CDH9: variants seen among roughly 807,000 people sequenced by gnomAD.
CDH9 encodes the protein cadherin-9.
Under a neutral mutation model 70.9 loss-of-function variants are expected in CDH9, and 28 were observed. The observed-to-expected ratio is 0.40, with a 90% CI of 0.29 to 0.54. CDH9 has a LOEUF of 0.54. Among genes scored for constraint, CDH9 ranks in the 20% least tolerant of loss-of-function variants. The pLI, the probability that CDH9 is intolerant of heterozygous loss-of-function variation, is 0.59. For synonymous variants in CDH9, 409 were observed against 343.1 expected, an observed-to-expected ratio of 1.19 and a Z score of -2.12; for missense variants, 874 against 984.4, an observed-to-expected ratio of 0.89 and a Z score of 1.50.
chr5:27,006,467 A>G (rs954627617), intron 1 of CDH9, among the ~76,000 whole-genome samples: 2 of 152,032 alleles, frequency 1.3e-5, no homozygotes, highest in Non-Finnish European at 2.9e-5. Flanking sequence ...CAGCACCACT[A>G]AGAGTTGGCT....
At chr5:26,986,180 GT>G (rs1306564935) in intron 2 of CDH9, among the ~76,000 whole-genome samples, 5 of 151,950 alleles carry the variant, frequency 3.3e-5, no homozygotes, top group Non-Finnish European at 5.9e-5. Flanking sequence ...TTGACAGGTG[GT>G]TTTGGTTTCA....
intron 1 of CDH9, among the ~76,000 whole-genome samples, chr5:27,008,366 T>G (rs1742902781): frequency 6.6e-6 from 1 of 151,942 alleles, no homozygotes; most frequent in Admixed American, 6.6e-5. Flanking sequence ...GGCGGGTGCC[T>G]GTAATACCAG....
At chr5:26,979,954 G>T (rs1268712357) in intron 2 of CDH9, among the ~76,000 whole-genome samples, 13 of 151,710 alleles carry the variant, frequency 8.6e-5, no homozygotes. Flanking sequence ...CTCCCAGGAA[G>T]AATTTAAATA....
intron 2 of CDH9, among the ~76,000 whole-genome samples, chr5:26,965,530 C>A (rs1224746777): frequency 6.6e-6 from 1 of 151,270 alleles, no homozygotes. Context: ...GAGTGGAGAT[C>A]ATGCCATTGG....
chr5:26,938,971 A>C (rs1414822079), intron 2 of CDH9, among the ~76,000 whole-genome samples: 1 of 152,076 alleles, frequency 6.6e-6, no homozygotes, highest in East Asian at 1.9e-4. Context: ...TAAAATGAAG[A>C]GAAATAGTAA....
Position 27,035,067 on chromosome 5 carries a change from T to C in CDH9, c.-50+3396A>G, listed in dbSNP as rs975026834. 1.8e-4 allele frequency among the ~76,000 whole-genome samples: 27 copies of C among 151,284 alleles called. 1 individual carries two copies. The highest frequency in any genetic ancestry group is 6.0e-4 in the African/African-American group (25 of 41,440). On this transcript the variant is annotated intron_variant, in intron 1 of 11. Transcript: ENST00000231021. ...AATCTATCATCTATGTATTTATCTA[T>C]CTATCCTCTATGTATCTGTCTATCA...
At chr5:27,004,683 T>A (rs1742828620) in intron 1 of CDH9, among the ~76,000 whole-genome samples, 1 of 152,042 alleles carries the variant, frequency 6.6e-6, no homozygotes, top group African/African-American at 2.4e-5. Context: ...GAGAGACACA[T>A]GAGATGTTCA....
At chr5:26,947,560 A>T (rs1300848696) in intron 2 of CDH9, among the ~76,000 whole-genome samples, 1 of 152,214 alleles carries the variant, frequency 6.6e-6, no homozygotes, top group Non-Finnish European at 1.5e-5. Context: ...GTAAATTGCT[A>T]ATACTAGTCA....
chr5:26,961,402 A>G (rs1391776460), intron 2 of CDH9, among the ~76,000 whole-genome samples: 9 of 152,074 alleles, frequency 5.9e-5, no homozygotes, highest in Non-Finnish European at 1.2e-4. Flanking sequence ...CATCTCCCCA[A>G]TCACCCCTCA....
At chr5:26,891,510 T>G (rs973290452) in intron 7 of CDH9, among the ~76,000 whole-genome samples, 1 of 152,022 alleles carries the variant, frequency 6.6e-6, no homozygotes, top group African/African-American at 2.4e-5. Flanking sequence ...AAACCCCGTC[T>G]CTACTAAAAA....
At chr5:27,034,041 A>G (rs890885586) in intron 1 of CDH9, among the ~76,000 whole-genome samples, 1 of 151,672 alleles carries the variant, frequency 6.6e-6, no homozygotes, top group Non-Finnish European at 1.5e-5. Context: ...ATGAGGAAAA[A>G]GCTTATTACA....
chr5:26,964,450 A>G (rs1742093431), intron 2 of CDH9, among the ~76,000 whole-genome samples: 1 of 152,190 alleles, frequency 6.6e-6, no homozygotes, highest in Non-Finnish European at 1.5e-5. Context: ...AGGAAAATTA[A>G]GTGTGTCGAT....
intron 7 of CDH9, among the ~76,000 whole-genome samples, chr5:26,898,598 T>A (rs1460635194): frequency 6.6e-6 from 1 of 152,180 alleles, no homozygotes; most frequent in East Asian, 1.9e-4. Context: ...TAAATGGTGT[T>A]GGGAAACCTG....
intron 2 of CDH9, among the ~76,000 whole-genome samples, chr5:26,933,024 T>C (rs1236081887): frequency 6.8e-6 from 1 of 147,500 alleles, no homozygotes; most frequent in Non-Finnish European, 1.5e-5. Flanking sequence ...ATATATTATA[T>C]TAATGTATTA....
chr5:26,979,669 A>G (rs1280360844), intron 2 of CDH9, among the ~76,000 whole-genome samples: 1 of 151,838 alleles, frequency 6.6e-6, no homozygotes, highest in Non-Finnish European at 1.5e-5. Context: ...TAATAGACTT[A>G]TACAGAAAGG....
At chr5:26,883,144 C>T (rs1313989786) in intron 11 of CDH9, among the ~76,000 whole-genome samples, 1 of 136,956 alleles carries the variant, frequency 7.3e-6, no homozygotes, top group Non-Finnish European at 1.5e-5. Context: ...AAAAGATGGA[C>T]ATAAGATTAA....
intron 2 of CDH9, among the ~76,000 whole-genome samples, chr5:26,987,037 A>T (rs1450834329): frequency 6.7e-6 from 1 of 149,792 alleles, no homozygotes; most frequent in Non-Finnish European, 1.5e-5. Context: ...GAGCAAATGT[A>T]TTCCTGTTTT....
intron 2 of CDH9, among the ~76,000 whole-genome samples, chr5:26,937,737 T>C (rs567436665): frequency 1.3e-5 from 2 of 152,182 alleles, no homozygotes; most frequent in East Asian, 3.9e-4. Context: ...CTATATACCA[T>C]AGGATTCTAA....
At chr5:26,947,243 GT>G (rs1741770597) in intron 2 of CDH9, among the ~76,000 whole-genome samples, 1 of 152,090 alleles carries the variant, frequency 6.6e-6, no homozygotes, top group Non-Finnish European at 1.5e-5. Context: ...TGAGAAATTT[GT>G]TTACACAAAT....
Sources: gnomAD v4.1 joint callset for allele counts (sites outside exome capture counted in the v4.1 genomes callset) on GRCh38, gnomAD v4.1.1 for gene constraint, MANE v1.5 for transcripts, NCBI Gene and HGNC (gene_info 2026-07-23, HGNC 2026-07-21) for gene names.